RAB10: variants seen among roughly 807,000 people sequenced by gnomAD.
The protein encoded by RAB10 is RAB10, member RAS oncogene family, also known as ras-related protein Rab-10.
A neutral mutation model predicts 25.7 loss-of-function variants in RAB10; 5 were observed. The observed-to-expected ratio is 0.19, with a 90% CI of 0.10 to 0.41. The LOEUF is 0.41. Ranked by LOEUF, RAB10 falls within the 10% of genes least tolerant of loss-of-function variation. The pLI is 1.00. For synonymous variants in RAB10, 89 were observed against 86.4 expected, an observed-to-expected ratio of 1.03 and a Z score of -0.16; for missense variants, 103 against 245.8, an observed-to-expected ratio of 0.42 and a Z score of 3.89.
chr2:26,112,045 A>G (rs921440785), intron 3 of RAB10, among the ~76,000 whole-genome samples: 8 of 152,264 alleles, frequency 5.3e-5, no homozygotes, highest in African/African-American at 1.9e-4. Flanking sequence ...TAAAGTATAC[A>G]ATTCAGGAAC....
intron 1 of RAB10, 122 bp downstream of exon 1, chr2:26,034,857 T>C: frequency 7.2e-7 from 1 of 1,380,140 alleles, no homozygotes; most frequent in Non-Finnish European, 1.0e-6. Flanking sequence ...AAACGACACA[T>C]CCAAGTTACT....
At chr2:26,120,384 C>T (rs1311123655) in intron 3 of RAB10, among the ~76,000 whole-genome samples, 1 of 152,136 alleles carries the variant, frequency 6.6e-6, no homozygotes, top group Non-Finnish European at 1.5e-5. Flanking sequence ...TATGTGTGCT[C>T]CTTGGAATTA....
chr2:26,120,170 CTT>C (rs1172053839), intron 3 of RAB10, among the ~76,000 whole-genome samples: 1 of 152,150 alleles, frequency 6.6e-6, no homozygotes, highest in Non-Finnish European at 1.5e-5. Flanking sequence ...TTTATCTTCT[CTT>C]TGAGTGGAGG....
intron 1 of RAB10, among the ~76,000 whole-genome samples, chr2:26,040,116 T>C (rs1205010498): frequency 1.3e-5 from 2 of 152,144 alleles, no homozygotes; most frequent in Admixed American, 1.3e-4. Context: ...GTAGACTACT[T>C]TCAGGAATGT....
chr2:26,051,408 TC>T (rs1456218408), intron 1 of RAB10, among the ~76,000 whole-genome samples: 1 of 120,102 alleles, frequency 8.3e-6, no homozygotes, highest in Non-Finnish European at 1.6e-5. Flanking sequence ...TTGGAAGCCT[TC>T]CTCAAATGAT....
At chr2:26,067,741 C>T (rs937447516) in intron 1 of RAB10, among the ~76,000 whole-genome samples, 1 of 152,226 alleles carries the variant, frequency 6.6e-6, no homozygotes, top group Non-Finnish European at 1.5e-5. Context: ...TTACAATGCA[C>T]ATCTCACATG....
At chr2:26,048,576 G>A (rs1314630671) in intron 1 of RAB10, among the ~76,000 whole-genome samples, 3 of 152,176 alleles carry the variant, frequency 2.0e-5, no homozygotes, top group African/African-American at 7.2e-5. Flanking sequence ...TGAGTTTAGA[G>A]AATTCTTTGT....
chr2:26,082,712 C>T (rs1031266982), intron 1 of RAB10, among the ~76,000 whole-genome samples: 3 of 152,224 alleles, frequency 2.0e-5, no homozygotes, highest in East Asian at 3.9e-4. Context: ...ATCTTAAACT[C>T]TTCCAATAAA....
At position 26,038,058 on chromosome 2, in the gene RAB10, G is replaced by A. The variant is rs530851549; in HGVS notation, c.127+3323G>A. Among the ~76,000 whole-genome samples the A allele has an allele frequency of 2.6e-5, 4 of 151,482 alleles. No homozygotes were observed. In the South Asian group the frequency reaches 8.3e-4, roughly 32 times the overall value. ...TATGCCACCACACCTGGCTAATTTTGTATTTTTAATAGAGACGGGGTTTCA... is the reference window on the plus strand; with the variant it reads ...TATGCCACCACACCTGGCTAATTTTATATTTTTAATAGAGACGGGGTTTCA... On this transcript the variant is annotated intron_variant, in intron 1 of 5. Coordinates refer to ENST00000264710, the MANE Select transcript of RAB10 (RefSeq NM_016131.5).
intron 1 of RAB10, among the ~76,000 whole-genome samples, chr2:26,079,131 G>A (rs1368221152): frequency 1.3e-5 from 2 of 152,224 alleles, no homozygotes; most frequent in East Asian, 1.9e-4. Flanking sequence ...AGGTTGTGGC[G>A]AGCTGAGATT....
chr2:26,103,991 T>C (rs1452405744), intron 2 of RAB10, among the ~76,000 whole-genome samples: 1 of 152,200 alleles, frequency 6.6e-6, no homozygotes, highest in African/African-American at 2.4e-5. Context: ...TCATTAGTAA[T>C]GGACCTTTCA....
intron 1 of RAB10, among the ~76,000 whole-genome samples, chr2:26,060,115 CTTGT>C (rs762981231): frequency 5.3e-5 from 8 of 151,988 alleles, no homozygotes; most frequent in Non-Finnish European, 7.4e-5. Context: ...TCTGAAGAAG[CTTGT>C]TTGGATTTAG....
chr2:26,038,137 C>T (rs1283822520), intron 1 of RAB10, among the ~76,000 whole-genome samples: 2 of 151,932 alleles, frequency 1.3e-5, no homozygotes, highest in Non-Finnish European at 2.9e-5. Flanking sequence ...CTGCCCGCCT[C>T]AGCGTCTCAA....
chr2:26,095,701 A>C (rs377489121), intron 1 of RAB10, among the ~76,000 whole-genome samples: 1 of 152,166 alleles, frequency 6.6e-6, no homozygotes, highest in East Asian at 1.9e-4. Flanking sequence ...ACTTGAGCCC[A>C]GGAGTTGGAG....
chr2:26,127,278 G>A, intron 4 of RAB10, 45 bp downstream of exon 4: 1 of 1,344,664 alleles, frequency 7.4e-7, no homozygotes, highest in Admixed American at 2.3e-5. Flanking sequence ...TCTTTGTAAA[G>A]GTAATGCTAC....
rs970296259 is a variant in RAB10, at chr2:26,052,809, C to T, written c.127+18074C>T. On this transcript the variant is annotated intron_variant, in intron 1 of 5. Transcript: ENST00000264710. Reference sequence around the variant, plus strand: ...TTTCTAGAGAATGAGCCTTTAGACACCTGCTTTGGTCTTGAGGGATGACAA... The same window carrying T: ...TTTCTAGAGAATGAGCCTTTAGACATCTGCTTTGGTCTTGAGGGATGACAA... Among the ~76,000 whole-genome samples the T allele has an allele frequency of 3.3e-5, 5 of 151,292 alleles. No individual in the cohort carries two copies. In the South Asian group the frequency reaches 1.0e-3, roughly 31 times the overall value.
chr2:26,038,824 A>T (rs1271501851), intron 1 of RAB10, among the ~76,000 whole-genome samples: 1 of 149,910 alleles, frequency 6.7e-6, no homozygotes, highest in Non-Finnish European at 1.5e-5. Flanking sequence ...CGGGAGGCTG[A>T]GGCAGGGGAA....
intron 2 of RAB10, among the ~76,000 whole-genome samples, chr2:26,102,930 T>C (rs1379038412): frequency 6.6e-6 from 1 of 152,240 alleles, no homozygotes; most frequent in Non-Finnish European, 1.5e-5. Context: ...TCTGCAAAGA[T>C]GGTCTTGATT....
At chr2:26,085,445 C>T (rs1385246543) in intron 1 of RAB10, among the ~76,000 whole-genome samples, 2 of 149,494 alleles carry the variant, frequency 1.3e-5, no homozygotes, top group Non-Finnish European at 3.0e-5. Context: ...GCTGAGATTG[C>T]GCCACTGCAC....
Sources: allele counts gnomAD v4.1 joint callset (sites outside exome capture counted in the v4.1 genomes callset), GRCh38; gene constraint gnomAD v4.1.1; transcripts MANE v1.5; gene names NCBI Gene and HGNC (gene_info 2026-07-23, HGNC 2026-07-21).